Variants in LMO7 observed in about 807,000 individuals in gnomAD.
LMO7 encodes LIM domain only protein 7.
Under a neutral mutation model 206.5 loss-of-function variants are expected in LMO7, and 120 were observed. That is an observed-to-expected ratio of 0.58 (90% CI 0.50 to 0.68). The LOEUF is 0.68. Among genes scored for constraint, LMO7 ranks in the 30% least tolerant of loss-of-function variants. The pLI, the probability that LMO7 is intolerant of heterozygous loss-of-function variation, is 0.00. For missense variants in LMO7, 1,959 were observed against 1,957.9 expected, an observed-to-expected ratio of 1.00 and a Z score of -0.01; for synonymous variants, 706 against 681.5, an observed-to-expected ratio of 1.04 and a Z score of -0.56.
chr13:75,733,282 G>C lies in LMO7; in HGVS notation c.210+6184G>C, dbSNP rs548495606. Among the ~76,000 whole-genome samples, 4 of 152,366 alleles carry C rather than the reference G, an allele frequency of 2.6e-5. No homozygotes were observed. In the East Asian group the frequency reaches 7.7e-4, roughly 29 times the overall value. On this transcript the variant is annotated intron_variant, in intron 3 of 30. Transcript: ENST00000377534. ...CTTGAGCTGTGGTGGGCTCCACCCAGTTTGAGCTTCCCAACTGCTTTGTTT... is the reference window on the plus strand; with the variant it reads ...CTTGAGCTGTGGTGGGCTCCACCCACTTTGAGCTTCCCAACTGCTTTGTTT...
chr13:75,691,347 G>A (rs574191448), intron 1 of LMO7, among the ~76,000 whole-genome samples: 4 of 152,204 alleles, frequency 2.6e-5, no homozygotes, highest in African/African-American at 7.2e-5. Flanking sequence ...AAAAAATGCA[G>A]ACTGCTTTAT....
intron 1 of LMO7, among the ~76,000 whole-genome samples, chr13:75,654,455 C>T (rs1330636649): frequency 6.6e-6 from 1 of 151,080 alleles, no homozygotes; most frequent in Non-Finnish European, 1.5e-5. Context: ...AATTGGAAGC[C>T]ACTGGCCAAA....
At chr13:75,686,997 C>A (rs1394327989) in intron 1 of LMO7, among the ~76,000 whole-genome samples, 3 of 152,088 alleles carry the variant, frequency 2.0e-5, no homozygotes, top group African/African-American at 7.2e-5. Context: ...AAATTACCTC[C>A]AAAGGCCCTA....
At chr13:75,857,677 A>T in intron 30 of LMO7, 1 of 341,716 alleles carries the variant, frequency 2.9e-6, no homozygotes, top group Non-Finnish European at 5.3e-6. Flanking sequence ...CAAAACAAAT[A>T]ATAGAGAGTT....
chr13:75,703,616 T>A (rs1342632625), intron 1 of LMO7, among the ~76,000 whole-genome samples: 1 of 152,064 alleles, frequency 6.6e-6, no homozygotes, highest in Non-Finnish European at 1.5e-5. Context: ...ATAACTCGGG[T>A]TCCTGTTTTA....
intron 2 of LMO7, chr13:75,627,521 T>A (rs1190868584): frequency 1.3e-5 from 2 of 152,180 alleles, no homozygotes; most frequent in African/African-American, 4.8e-5. Flanking sequence ...ACAATTTGAA[T>A]TGATAGTAAG....
At chr13:75,760,904 A>G (rs1305841354) in intron 3 of LMO7, 28 bp from the exon 4 acceptor site, 3 of 1,612,316 alleles carry the variant, frequency 1.9e-6, no homozygotes, top group Non-Finnish European at 2.5e-6. Context: ...AGCTCAGCTA[A>G]GCAATCACTT....
intron 1 of LMO7, among the ~76,000 whole-genome samples, chr13:75,711,868 C>T (rs1177547784): frequency 1.3e-5 from 2 of 152,220 alleles, no homozygotes; most frequent in Non-Finnish European, 2.9e-5. Flanking sequence ...ATGCCTGTAA[C>T]AGACACTCAG....
chr13:75,753,541 C>T (rs1348179293), intron 3 of LMO7, among the ~76,000 whole-genome samples: 3 of 152,092 alleles, frequency 2.0e-5, no homozygotes, highest in Admixed American at 2.0e-4. Context: ...TTGTAGTTCC[C>T]ATAATCCCCA....
chr13:75,744,318 T>C (rs865819484), intron 3 of LMO7, among the ~76,000 whole-genome samples: 1 of 152,208 alleles, frequency 6.6e-6, no homozygotes, highest in Non-Finnish European at 1.5e-5. Context: ...AGTCATAACA[T>C]TGGCACAAGT....
chr13:75,846,785 G>T (rs892956485), intron 26 of LMO7, among the ~76,000 whole-genome samples: 3 of 152,092 alleles, frequency 2.0e-5, no homozygotes, highest in African/African-American at 7.2e-5. Context: ...ATACCAAAAT[G>T]ACACTTTAAA....
chr13:75,782,177 A>T (rs185601532), intron 4 of LMO7, among the ~76,000 whole-genome samples: 10 of 152,320 alleles, frequency 6.6e-5, no homozygotes, highest in South Asian at 4.1e-4. Context: ...TAGAATTAAA[A>T]AGTTTCATGT....
chr13:75,746,356 A>G (rs1234782205), intron 3 of LMO7, among the ~76,000 whole-genome samples: 1 of 152,148 alleles, frequency 6.6e-6, no homozygotes, highest in Non-Finnish European at 1.5e-5. Context: ...ATAGTTTGTG[A>G]TTATTAAGAA....
chr13:75,686,904 A>G (rs969615858), intron 1 of LMO7, among the ~76,000 whole-genome samples: 8 of 152,164 alleles, frequency 5.3e-5, no homozygotes, highest in African/African-American at 1.2e-4. Flanking sequence ...GCGTCCTCAC[A>G]TAGCAGAAAA....
intron 3 of LMO7, among the ~76,000 whole-genome samples, chr13:75,755,300 T>A (rs1286904032): frequency 6.6e-6 from 1 of 152,198 alleles, no homozygotes; most frequent in Non-Finnish European, 1.5e-5. Flanking sequence ...GTAGTTTTTC[T>A]TATGGCGTCA....
chr13:75,840,095 T>C lies in LMO7; in HGVS notation c.3462T>C (p.Asp1154=). 6.2e-7 allele frequency: 1 copy of C among 1,614,090 alleles called. No individual in the cohort carries two copies. The highest frequency in any genetic ancestry group is 8.5e-7 in the Non-Finnish European group (1 of 1,179,948). Residue 1154 remains aspartate, a synonymous_variant, in exon 21 of 31, where the codon GAT becomes GAC. Transcript: ENST00000377534. ...RSQFFEQGSS[D]SVVPDLPVPT... is the part of the protein sequence containing the mutation. ...TGTGCTGCAACACAGGAAGCTCTGA[T>C]TCGGTGGTTCCTGATGTAAGTAGCA...
At chr13:75,741,616 A>T (rs1472872588) in intron 3 of LMO7, among the ~76,000 whole-genome samples, 1 of 152,252 alleles carries the variant, frequency 6.6e-6, no homozygotes, top group Non-Finnish European at 1.5e-5. Flanking sequence ...CATAAACAGA[A>T]CTAAAGGCAG....
chr13:75,758,242 T>G (rs2047848407), intron 3 of LMO7, among the ~76,000 whole-genome samples: 1 of 152,202 alleles, frequency 6.6e-6, no homozygotes, highest in Non-Finnish European at 1.5e-5. Flanking sequence ...AACAACTAAA[T>G]ACTTCCCTTT....
chr13:75,664,607 A>G (rs1434764855), intron 1 of LMO7, among the ~76,000 whole-genome samples: 4 of 152,124 alleles, frequency 2.6e-5, no homozygotes, highest in Admixed American at 6.5e-5. Context: ...GAACCACCAA[A>G]CTGTTCTCCA....
Sources: gnomAD v4.1 joint callset for allele counts (sites outside exome capture counted in the v4.1 genomes callset) on GRCh38, gnomAD v4.1.1 for gene constraint, MANE v1.5 for transcripts, NCBI Gene and HGNC (gene_info 2026-07-23, HGNC 2026-07-21) for gene names.